GTF2F2: variants seen among roughly 807,000 people sequenced by gnomAD.
GTF2F2 encodes general transcription factor IIF subunit 2.
In GTF2F2, 23 loss-of-function variants were observed where a neutral mutation model predicts 42.2. The ratio of observed to expected loss-of-function variants is 0.55; its 90% CI spans 0.39 to 0.77. GTF2F2 has a LOEUF of 0.77. GTF2F2 is among the 30% of genes least tolerant of loss of function. The probability of loss-of-function intolerance (pLI) is 0.00; values close to 1 mark genes in which losing one functional copy is unlikely to be tolerated. For missense variants in GTF2F2, 261 were observed against 287.2 expected, an observed-to-expected ratio of 0.91 and a Z score of 0.66; for synonymous variants, 105 against 100.8, an observed-to-expected ratio of 1.04 and a Z score of -0.25.
intron 4 of GTF2F2, among the ~76,000 whole-genome samples, chr13:45,162,629 A>G (rs1291315659): frequency 6.6e-6 from 1 of 152,238 alleles, no homozygotes; most frequent in African/African-American, 2.4e-5. Context: ...TTGTAAAAGC[A>G]GTGTTTGCAC....
chr13:45,169,466 T>A (rs1478320815), intron 4 of GTF2F2, among the ~76,000 whole-genome samples: 1 of 152,202 alleles, frequency 6.6e-6, no homozygotes, highest in Non-Finnish European at 1.5e-5. Context: ...AATACCTTCC[T>A]GTTGCTTAAG....
At chr13:45,124,746 A>T (rs1868885836) in intron 1 of GTF2F2, among the ~76,000 whole-genome samples, 1 of 151,912 alleles carries the variant, frequency 6.6e-6, no homozygotes, top group Non-Finnish European at 1.5e-5. Context: ...TTGTATCTTT[A>T]GTAGAGATGG....
intron 5 of GTF2F2, among the ~76,000 whole-genome samples, chr13:45,242,382 C>T (rs1455481626): frequency 6.6e-6 from 1 of 150,378 alleles, no homozygotes; most frequent in African/African-American, 2.4e-5. Flanking sequence ...TTCCTCCTTT[C>T]ACCCTGCAAA....
At chr13:45,198,567 G>A (rs914111532) in intron 4 of GTF2F2, among the ~76,000 whole-genome samples, 6 of 152,182 alleles carry the variant, frequency 3.9e-5, no homozygotes, top group Non-Finnish European at 8.8e-5. Context: ...GTTGTCAGCT[G>A]CATGCTTCTC....
intron 5 of GTF2F2, among the ~76,000 whole-genome samples, chr13:45,250,158 G>A (rs1327698235): frequency 1.3e-5 from 2 of 148,606 alleles, no homozygotes; most frequent in East Asian, 2.0e-4. Context: ...GGGTTCAAGC[G>A]ATTCTCGAGC....
chr13:45,144,781 G>GGAAACAAAAAATTAAT (rs1870112337), intron 2 of GTF2F2, among the ~76,000 whole-genome samples: 1 of 151,900 alleles, frequency 6.6e-6, no homozygotes, highest in African/African-American at 2.4e-5. Flanking sequence ...TAAAAAGTAT[G>GGAAACAAAAAATTAAT]GAAACAAAAA....
intron 5 of GTF2F2, among the ~76,000 whole-genome samples, chr13:45,228,669 C>CTTT (rs57570023): frequency 9.2e-6 from 1 of 108,300 alleles, no homozygotes; most frequent in Non-Finnish European, 1.7e-5. Flanking sequence ...CAGAGTTAAT[C>CTTT]TTTTTTTTTT....
At chr13:45,173,686 T>C (rs1314046124) in intron 4 of GTF2F2, among the ~76,000 whole-genome samples, 7 of 149,050 alleles carry the variant, frequency 4.7e-5, no homozygotes, top group Admixed American at 2.0e-4. Flanking sequence ...GGCATGATCT[T>C]GGCTCACTGC....
intron 2 of GTF2F2, among the ~76,000 whole-genome samples, chr13:45,146,628 G>T (rs564320569): frequency 6.6e-6 from 1 of 152,118 alleles, no homozygotes; most frequent in Non-Finnish European, 1.5e-5. Flanking sequence ...AATCCAAGAA[G>T]TATTTTAAAA....
chr13:45,129,922 A>G lies in GTF2F2; in HGVS notation c.67-6811A>G, dbSNP rs1283515836. Among the ~76,000 whole-genome samples, 6 of 152,226 alleles carry G rather than the reference A, an allele frequency of 3.9e-5. No homozygotes were observed. The East Asian group carries it at 1.2e-3, about 29-fold the overall frequency. On this transcript the variant is annotated intron_variant, in intron 1 of 7. Transcript: ENST00000340473. ...ATGGTCTTTAAGCAGGGACGTAAAG[A>G]ATTTATGGGCTTGCCCTTGCAGATA...
At chr13:45,142,247 A>G (rs1199833863) in intron 2 of GTF2F2, among the ~76,000 whole-genome samples, 3 of 152,018 alleles carry the variant, frequency 2.0e-5, no homozygotes, top group Non-Finnish European at 2.9e-5. Context: ...GCTCACTGCA[A>G]CCTCCGCCTC....
At chr13:45,171,509 A>G (rs1179057649) in intron 4 of GTF2F2, among the ~76,000 whole-genome samples, 1 of 152,210 alleles carries the variant, frequency 6.6e-6, no homozygotes, top group Admixed American at 6.5e-5. Flanking sequence ...GAAACACTTT[A>G]GAGTTTTCTT....
Position 45,267,339 on chromosome 13 carries a change from A to G in GTF2F2, c.593A>G (p.Asn198Ser). 6.2e-7 allele frequency: 1 copy of G among 1,610,608 alleles called. No individual in the cohort carries two copies. Among genetic ancestry groups the G allele is most frequent in the Non-Finnish European group, 8.5e-7 (1 of 1,177,128 alleles). ...GCCTTTGAGAAACATCAATACTATA[A>G]TCTTAAGGACTTGGTGGACATCACA... ...FSAFEKHQYY[N>S]LKDLVDITKQ... The change falls in exon 7 of 8, where the codon AAT becomes AGT. Residue 198 changes from asparagine (N) to serine (S), a missense_variant. Coordinates refer to ENST00000340473, the MANE Select transcript of GTF2F2 (RefSeq NM_004128.3).
At chr13:45,137,784 T>G (rs892917553) in intron 2 of GTF2F2, among the ~76,000 whole-genome samples, 1 of 152,238 alleles carries the variant, frequency 6.6e-6, no homozygotes, top group African/African-American at 2.4e-5. Flanking sequence ...GATTCAGTTA[T>G]GGGAAAACAG....
At chr13:45,187,276 T>TA (rs768732137) in intron 4 of GTF2F2, among the ~76,000 whole-genome samples, 2 of 152,176 alleles carry the variant, frequency 1.3e-5, no homozygotes, top group African/African-American at 2.4e-5. Context: ...AAAAGGGGTA[T>TA]GTTTTAATTG....
chr13:45,243,856 T>G (rs1875449112), intron 5 of GTF2F2, among the ~76,000 whole-genome samples: 1 of 152,218 alleles, frequency 6.6e-6, no homozygotes, highest in Admixed American at 6.5e-5. Context: ...ACACACAGTT[T>G]CACCATGTTG....
intron 5 of GTF2F2, among the ~76,000 whole-genome samples, 170 bp from the exon 6 acceptor site, chr13:45,252,701 A>G (rs960498972): frequency 6.6e-6 from 1 of 152,152 alleles, no homozygotes; most frequent in Non-Finnish European, 1.5e-5. Context: ...TGGTTTCTGC[A>G]TTATAGTCAC....
intron 7 of GTF2F2, among the ~76,000 whole-genome samples, chr13:45,272,828 C>T (rs527869264): frequency 8.6e-4 from 130 of 150,980 alleles, no homozygotes; most frequent in African/African-American, 2.5e-3. Context: ...ATGATCATAG[C>T]TCGCTGTCAC....
At chr13:45,220,612 G>A (rs1018092706) in intron 5 of GTF2F2, among the ~76,000 whole-genome samples, 3 of 152,152 alleles carry the variant, frequency 2.0e-5, no homozygotes, top group South Asian at 2.1e-4. Flanking sequence ...TAAAACAATA[G>A]CAGTGTTCTG....
Sources: allele counts gnomAD v4.1 joint callset (sites outside exome capture counted in the v4.1 genomes callset), GRCh38; gene constraint gnomAD v4.1.1; transcripts MANE v1.5; gene names NCBI Gene and HGNC (gene_info 2026-07-23, HGNC 2026-07-21).